Variants in MAPT observed in about 807,000 individuals in gnomAD.
MAPT encodes the protein microtubule associated protein tau, also known as microtubule-associated protein tau.
A neutral mutation model predicts 67.9 loss-of-function variants in MAPT; 34 were observed. The ratio of observed to expected loss-of-function variants is 0.50; its 90% CI spans 0.38 to 0.67. The LOEUF (loss-of-function observed/expected upper bound fraction) is 0.67. Ranked by LOEUF, MAPT falls within the 30% of genes least tolerant of loss-of-function variation. MAPT has a pLI of 0.00. For synonymous variants in MAPT, 456 were observed against 464.5 expected (o/e 0.98, Z 0.23); for missense variants, 881 against 1,115.2 (o/e 0.79, Z 2.99).
At chr17:45,907,958 C>T (rs552043634) in intron 1 of MAPT, 1 of 152,500 alleles carries the variant, frequency 6.6e-6, no homozygotes, top group Admixed American at 6.5e-5. Context: ...GCCTTCCTGC[C>T]TCTGCAACCT....
At chr17:46,007,718 T>C (rs950787331) in intron 9 of MAPT, among the ~76,000 whole-genome samples, 3 of 152,126 alleles carry the variant, frequency 2.0e-5, no homozygotes, top group Non-Finnish European at 4.4e-5. Context: ...GCTGGCTCTC[T>C]CACCAGGGCT....
intron 1 of MAPT, among the ~76,000 whole-genome samples, chr17:45,901,116 T>G (rs2063581899): frequency 6.6e-6 from 1 of 152,064 alleles, no homozygotes; most frequent in Non-Finnish European, 1.5e-5. Context: ...CCTCTGAAAA[T>G]TGCACACACC....
At chr17:45,936,950 C>A (rs1041009527) in intron 1 of MAPT, among the ~76,000 whole-genome samples, 1 of 152,180 alleles carries the variant, frequency 6.6e-6, no homozygotes, top group Admixed American at 6.5e-5. Context: ...CATCTCTCTC[C>A]ACCTGGGAGA....
At position 45,983,951 on chromosome 17, in the gene MAPT, C is replaced by T. The variant is rs113608413; in HGVS notation, c.1351+21C>T. 4,167 of 1,527,680 alleles carry T rather than the reference C, an allele frequency of 2.7e-3. 65 individuals carry two copies. In the African/African-American group the frequency reaches 0.033, roughly 12 times the overall value. 94.6% of individuals were successfully genotyped at this position (1,527,680 alleles called of 1,614,324 possible). A position where few individuals can be genotyped will look rare whatever the true frequency, so the allele number is the denominator to read the frequency against. On this transcript the variant is annotated intron_variant, in intron 5 of 12. Coordinates refer to ENST00000262410, the MANE Select transcript of MAPT (RefSeq NM_001377265.1). ...CAAAGGTCTGTGTCTTGAGCTTCTT[C>T]GCTCCTTCCCTGGGGACCTCCCAGG...
chr17:45,940,591 G>A (rs1036513008), intron 1 of MAPT, among the ~76,000 whole-genome samples: 1 of 152,174 alleles, frequency 6.6e-6, no homozygotes, highest in Non-Finnish European at 1.5e-5. Flanking sequence ...AATAGTTGGA[G>A]GAGTTGGGCA....
chr17:45,930,806 G>T (rs1272915979), intron 1 of MAPT, among the ~76,000 whole-genome samples: 3 of 152,160 alleles, frequency 2.0e-5, no homozygotes, highest in East Asian at 1.9e-4. Context: ...TTTTTGCTTT[G>T]TCATGGCTGC....
intron 5 of MAPT, among the ~76,000 whole-genome samples, chr17:45,986,616 T>C (rs1283971669): frequency 2.0e-5 from 3 of 152,206 alleles, no homozygotes. Flanking sequence ...CCAACATCCA[T>C]GGCCCTGAGG....
At chr17:46,005,707 G>A (rs1048521215) in intron 9 of MAPT, among the ~76,000 whole-genome samples, 2 of 152,232 alleles carry the variant, frequency 1.3e-5, no homozygotes, top group Non-Finnish European at 2.9e-5. Flanking sequence ...GACTCCTTGA[G>A]AAGCAGTGTG....
In MAPT at chr17:45,983,789, G is replaced by A. The variant is rs1203988419; in HGVS notation, c.1210G>A (p.Gly404Arg). 1 of 1,613,736 alleles carries A rather than the reference G, an allele frequency of 6.2e-7. No homozygotes were observed. Among genetic ancestry groups the A allele is most frequent in the African/African-American group, 1.3e-5 (1 of 74,920 alleles). Reference protein sequence around the residue: ...EEHLGRAAFPGAPGEGPEARG... With the variant: ...EEHLGRAAFPRAPGEGPEARG... ...GCATTTGGGAAGGGCTGCATTTCCA[G>A]GGGCCCCTGGAGAGGGGCCAGAGGC... Residue 404 changes from glycine (G) to arginine (R), a missense_variant, in exon 5 of 13, where the codon GGG becomes AGG. Physicochemically the swap from Gly to Arg is moderately radical, Grantham distance 125. This residue lies in a region of MAPT where 687 missense variants were observed against 766.1 expected (regional missense o/e 0.90). Transcript: ENST00000262410.
intron 8 of MAPT, chr17:45,994,089 A>G (rs377192245): frequency 2.9e-6 from 3 of 1,018,158 alleles, no homozygotes; most frequent in Non-Finnish European, 4.3e-6. Flanking sequence ...GGGTTCACAC[A>G]GGGTTCGCAG....
intron 12 of MAPT, among the ~76,000 whole-genome samples, chr17:46,020,119 G>T (rs1162523302): frequency 6.6e-6 from 1 of 152,058 alleles, no homozygotes; most frequent in Non-Finnish European, 1.5e-5. Context: ...CCAAGAACAA[G>T]TCATGGGAAC....
intron 5 of MAPT, among the ~76,000 whole-genome samples, chr17:45,985,349 C>G (rs2145682130): frequency 6.6e-6 from 1 of 152,082 alleles, no homozygotes; most frequent in South Asian, 2.1e-4. Context: ...AAAATATATC[C>G]TATATCCTTT....
intron 5 of MAPT, among the ~76,000 whole-genome samples, chr17:45,984,649 T>G (rs2073361557): frequency 1.3e-5 from 2 of 152,242 alleles, no homozygotes; most frequent in Non-Finnish European, 2.9e-5. Context: ...AAGATCTCCC[T>G]GGTCCACATG....
At chr17:45,937,788 T>C (rs2067484525) in intron 1 of MAPT, among the ~76,000 whole-genome samples, 1 of 152,100 alleles carries the variant, frequency 6.6e-6, no homozygotes, top group South Asian at 2.1e-4. Context: ...AAAGGAAGGC[T>C]GCCCCTAAAT....
chr17:45,902,071 C>T (rs2063648160), intron 1 of MAPT, among the ~76,000 whole-genome samples: 1 of 152,120 alleles, frequency 6.6e-6, no homozygotes, highest in African/African-American at 2.4e-5. Context: ...TCAGCTTGCA[C>T]CTTATTTTTT....
chr17:45,990,341 C>T (rs1026438118), intron 7 of MAPT, among the ~76,000 whole-genome samples: 1 of 152,068 alleles, frequency 6.6e-6, no homozygotes, highest in Non-Finnish European at 1.5e-5. Flanking sequence ...AGGCTGGGCA[C>T]GGTGGCTCAC....
At chr17:45,917,299 C>T (rs958499425) in intron 1 of MAPT, among the ~76,000 whole-genome samples, 17 of 152,198 alleles carry the variant, frequency 1.1e-4, no homozygotes, top group Admixed American at 1.3e-4. Context: ...GTCGAGTGGT[C>T]GGTCACCTCT....
At chr17:45,951,898 AAG>A (rs1356736874) in intron 1 of MAPT, among the ~76,000 whole-genome samples, 4 of 151,578 alleles carry the variant, frequency 2.6e-5, no homozygotes, top group African/African-American at 4.8e-5. Flanking sequence ...AGGAGAAAGG[AAG>A]AGAGAGAGAG....
At chr17:45,934,990 T>A (rs967324869) in intron 1 of MAPT, among the ~76,000 whole-genome samples, 4 of 152,190 alleles carry the variant, frequency 2.6e-5, no homozygotes, top group East Asian at 1.9e-4. Flanking sequence ...ATTATATGCA[T>A]GTTTTTGTCT....
Sources: allele counts gnomAD v4.1 joint callset (sites outside exome capture counted in the v4.1 genomes callset), GRCh38; gene constraint gnomAD v4.1.1; regional missense constraint gnomAD v4.1.1; transcripts MANE v1.5; gene names NCBI Gene and HGNC (gene_info 2026-07-23, HGNC 2026-07-21).